Variants in CFAP210 observed in about 807,000 individuals in gnomAD.
The protein encoded by CFAP210 is cilia and flagella associated protein 210.
chr2:169,676,419 C>T, the CFAP210 span, among the ~76,000 whole-genome samples: 4 of 151,062 alleles, frequency 2.6e-5, no homozygotes, highest in East Asian at 3.9e-4. Flanking sequence ...GTACCAGGGA[C>T]GTTTTTAAAA....
At chr2:169,684,217 G>A in the CFAP210 span, among the ~76,000 whole-genome samples, 2 of 152,128 alleles carry the variant, frequency 1.3e-5, no homozygotes, top group Non-Finnish European at 2.9e-5. Context: ...GCAGGAGAGA[G>A]GGGACAAAAG....
the CFAP210 span, chr2:169,694,350 T>A: frequency 8.1e-6 from 13 of 1,612,172 alleles, no homozygotes; most frequent in Admixed American, 3.3e-5. Flanking sequence ...TCTGGAAAAG[T>A]GACTGTGGCG....
the CFAP210 span, among the ~76,000 whole-genome samples, chr2:169,659,875 T>C: frequency 3.9e-5 from 6 of 152,202 alleles, no homozygotes; most frequent in Non-Finnish European, 5.9e-5. Flanking sequence ...TGGTTCAATC[T>C]TGATAGGTTG....
the CFAP210 span, among the ~76,000 whole-genome samples, chr2:169,687,297 A>C: frequency 6.6e-6 from 1 of 152,174 alleles, no homozygotes; most frequent in Non-Finnish European, 1.5e-5. Context: ...CCAAAGTCTT[A>C]ACTCATTTCA....
chr2:169,681,235 T>C, the CFAP210 span: 2 of 1,580,866 alleles, frequency 1.3e-6, no homozygotes, highest in Non-Finnish European at 1.7e-6. Context: ...TTCTTATTTC[T>C]AATAAATTGT....
the CFAP210 span, chr2:169,694,326 A>G: frequency 1.1e-4 from 176 of 1,613,850 alleles, no homozygotes; most frequent in Non-Finnish European, 1.5e-4. Context: ...CGAGGTGTCC[A>G]TGATGCTCCT....
chr2:169,653,072 G>T, the CFAP210 span, among the ~76,000 whole-genome samples: 4 of 103,570 alleles, frequency 3.9e-5, no homozygotes, highest in South Asian at 1.4e-3. Context: ...ATATATGTAT[G>T]TGTGTATATA....
the CFAP210 span, among the ~76,000 whole-genome samples, chr2:169,668,751 T>C: frequency 2.0e-4 from 30 of 152,310 alleles, no homozygotes; most frequent in Non-Finnish European, 3.8e-4. Context: ...TGCCATCTTA[T>C]ATGGGTACAG....
the CFAP210 span, chr2:169,662,307 C>T: frequency 2.5e-6 from 4 of 1,601,202 alleles, no homozygotes; most frequent in Non-Finnish European, 3.4e-6. Context: ...TTTCATGCAT[C>T]TCTTCTCTTT....
At chr2:169,693,881 T>G in the CFAP210 span, among the ~76,000 whole-genome samples, 1 of 152,232 alleles carries the variant, frequency 6.6e-6, no homozygotes, top group African/African-American at 2.4e-5. Flanking sequence ...CAAGAGATAT[T>G]CCAATTCAAT....
chr2:169,689,673 T>C, the CFAP210 span, among the ~76,000 whole-genome samples: 1 of 152,230 alleles, frequency 6.6e-6, no homozygotes, highest in East Asian at 1.9e-4. Context: ...AAAGCAGGCA[T>C]ACTTTTCTTT....
the CFAP210 span, among the ~76,000 whole-genome samples, chr2:169,683,127 G>T: frequency 6.6e-6 from 1 of 152,092 alleles, no homozygotes; most frequent in Non-Finnish European, 1.5e-5. Flanking sequence ...GTGAGAACTT[G>T]GTGACTAAAC....
the CFAP210 span, among the ~76,000 whole-genome samples, chr2:169,678,687 T>A: frequency 6.6e-6 from 1 of 151,672 alleles, no homozygotes; most frequent in Non-Finnish European, 1.5e-5. Context: ...TAGCCGGGCA[T>A]GATGGTGCGG....
chr2:169,673,532 T>C, the CFAP210 span, among the ~76,000 whole-genome samples: 1 of 152,214 alleles, frequency 6.6e-6, no homozygotes, highest in East Asian at 1.9e-4. Flanking sequence ...TGGTAATATA[T>C]ATATATTCTG....
chr2:169,666,237 T>C, the CFAP210 span, among the ~76,000 whole-genome samples: 17 of 152,138 alleles, frequency 1.1e-4, no homozygotes, highest in African/African-American at 3.9e-4. Flanking sequence ...AACTCTTCTC[T>C]AATCCTTAGA....
the CFAP210 span, among the ~76,000 whole-genome samples, chr2:169,649,799 C>T: frequency 1.5e-4 from 23 of 151,842 alleles, no homozygotes; most frequent in African/African-American, 1.9e-4. Context: ...GTCATGGTGG[C>T]GCATGCCTGT....
chr2:169,650,955 G>A, the CFAP210 span, among the ~76,000 whole-genome samples: 7 of 152,006 alleles, frequency 4.6e-5, no homozygotes, highest in East Asian at 3.9e-4. Context: ...TAAGCTGGGC[G>A]TGGTGGCTCA....
the CFAP210 span, among the ~76,000 whole-genome samples, chr2:169,678,623 G>C: frequency 3.3e-5 from 5 of 152,018 alleles, no homozygotes; most frequent in African/African-American, 7.2e-5. Flanking sequence ...TCAGGAGTTA[G>C]AGACCAGCCT....
chr2:169,645,582 T>C, the CFAP210 span: 10 of 369,392 alleles, frequency 2.7e-5, no homozygotes, highest in East Asian at 4.7e-4. Context: ...ACAATGGTCA[T>C]GGCTACACAA....
Sources: allele counts gnomAD v4.1 joint callset (sites outside exome capture counted in the v4.1 genomes callset), GRCh38; gene constraint gnomAD v4.1.1; transcripts MANE v1.5; gene names NCBI Gene and HGNC (gene_info 2026-07-23, HGNC 2026-07-21).